The following CENPP variants were observed in gnomAD, a reference collection of about 807,000 sequenced individuals.
The protein encoded by CENPP is centromere protein P.
In CENPP, 24 loss-of-function variants were observed where a neutral mutation model predicts 35.6. The ratio of observed to expected loss-of-function variants is 0.67; its 90% CI spans 0.49 to 0.95. CENPP has a LOEUF of 0.95. Among genes scored for constraint, CENPP ranks in the 40% least tolerant of loss-of-function variants. CENPP has a pLI of 0.00. For synonymous variants in CENPP, 120 were observed against 125.5 expected, an observed-to-expected ratio of 0.96 and a Z score of 0.29; for missense variants, 332 against 345.3, an observed-to-expected ratio of 0.96 and a Z score of 0.31.
intron 5 of CENPP, among the ~76,000 whole-genome samples, chr9:92,592,453 T>A (rs914467660): frequency 2.0e-5 from 3 of 152,228 alleles, no homozygotes; most frequent in Admixed American, 1.3e-4. Context: ...TCATCCACAT[T>A]ACAATTTTTG....
At chr9:92,326,812 G>A (rs1366178728) in intron 1 of CENPP, among the ~76,000 whole-genome samples, 1 of 152,196 alleles carries the variant, frequency 6.6e-6, no homozygotes, top group Non-Finnish European at 1.5e-5. Context: ...AAACATAGAA[G>A]CCTCTCGAAA....
At chr9:92,567,581 G>A (rs551718653) in intron 5 of CENPP, among the ~76,000 whole-genome samples, 1 of 151,738 alleles carries the variant, frequency 6.6e-6, no homozygotes, top group East Asian at 1.9e-4. Context: ...AATATTATTA[G>A]TCTAAAAGCT....
chr9:92,495,590 TTAA>T, intron 5 of CENPP: 1 of 975,710 alleles, frequency 1.0e-6, no homozygotes, highest in Non-Finnish European at 1.2e-6. Context: ...GAAGGTAATC[TTAA>T]TATACTGTTT....
chr9:92,416,527 A>T lies in CENPP; in HGVS notation c.564+36668A>T, dbSNP rs1181533431. 6.3e-6 allele frequency: 5 copies of T among 797,370 alleles called. No homozygotes were observed. In the East Asian group the frequency reaches 1.4e-4, roughly 22 times the overall value. 49.4% of individuals were successfully genotyped at this position (797,370 alleles called of 1,614,324 possible). A position where few individuals can be genotyped will look rare whatever the true frequency, so the allele number is the denominator to read the frequency against. ...AACTTCAAAACAACTATTTTCAGCA[A>T]TGTCTAAAGCATAGCTTATTGAATA... On this transcript the variant is annotated intron_variant, in intron 5 of 7. Transcript: ENST00000375587.
intron 5 of CENPP, chr9:92,496,152 T>C (rs1357960787): frequency 7.5e-7 from 1 of 1,325,000 alleles, no homozygotes. Flanking sequence ...GACTATACCT[T>C]TTAGGTATAT....
intron 5 of CENPP, among the ~76,000 whole-genome samples, chr9:92,529,587 A>G (rs1259440389): frequency 6.6e-6 from 1 of 152,216 alleles, no homozygotes; most frequent in African/African-American, 2.4e-5. Context: ...TGGAAAAAAA[A>G]CTATGGTATA....
intron 5 of CENPP, among the ~76,000 whole-genome samples, chr9:92,585,051 C>T (rs536885008): frequency 3.3e-5 from 5 of 152,244 alleles, no homozygotes; most frequent in Non-Finnish European, 7.3e-5. Flanking sequence ...CTATACTATA[C>T]AGATTATATG....
chr9:92,442,890 T>A (rs1172662819), intron 5 of CENPP, among the ~76,000 whole-genome samples: 2 of 151,618 alleles, frequency 1.3e-5, no homozygotes, highest in Non-Finnish European at 2.9e-5. Context: ...TACACCATTA[T>A]GATGAAAATT....
chr9:92,457,151 A>G, intron 5 of CENPP: 2 of 1,412,546 alleles, frequency 1.4e-6, no homozygotes, highest in Non-Finnish European at 1.8e-6. Context: ...TTGTCATAAA[A>G]TAAGTCAGTG....
chr9:92,387,528 C>T (rs1348029137), intron 5 of CENPP, among the ~76,000 whole-genome samples: 1 of 152,092 alleles, frequency 6.6e-6, no homozygotes, highest in East Asian at 1.9e-4. Flanking sequence ...GTAATTTCCC[C>T]TGACATTACT....
At position 92,616,045 on chromosome 9, in the gene CENPP, C is replaced by T; in HGVS notation, c.*2896C>T. On this transcript the variant is annotated 3_prime_UTR_variant, in exon 8 of 8. Transcript: ENST00000375587. ...TGGACCTCGATGAAGGGACGACAGG[C>T]CTTTGATCAGAGCTGCAAGTAAAAA... is the stretch of plus-strand genomic sequence containing the variant. 6.2e-7 allele frequency: 1 copy of T among 1,613,722 alleles called. No homozygotes were observed. The highest frequency in any genetic ancestry group is 2.2e-5 in the East Asian group (1 of 44,886).
intron 5 of CENPP, among the ~76,000 whole-genome samples, chr9:92,449,938 G>A (rs1006815381): frequency 1.3e-5 from 2 of 151,974 alleles, no homozygotes; most frequent in African/African-American, 4.8e-5. Context: ...GTGTGAGAAT[G>A]GACTAATAAA....
intron 4 of CENPP, among the ~76,000 whole-genome samples, chr9:92,370,115 T>C (rs1226962817): frequency 5.3e-5 from 8 of 152,252 alleles, no homozygotes; most frequent in Non-Finnish European, 1.2e-4. Context: ...ATATATTACA[T>C]TTATTGATTT....
At chr9:92,597,264 A>T (rs184482128) in intron 5 of CENPP, among the ~76,000 whole-genome samples, 32 of 152,282 alleles carry the variant, frequency 2.1e-4, no homozygotes, top group Middle Eastern at 3.4e-3. Flanking sequence ...AATGAGCTAT[A>T]GTGCAAGTCG....
intron 3 of CENPP, chr9:92,340,002 T>G (rs1396332057): frequency 1.3e-5 from 2 of 153,778 alleles, no homozygotes; most frequent in Non-Finnish European, 2.9e-5. Context: ...CTGCAACCCA[T>G]GGCAGGTTGG....
At chr9:92,393,187 A>G in intron 5 of CENPP, 1 of 1,613,858 alleles carries the variant, frequency 6.2e-7, no homozygotes, top group African/African-American at 1.3e-5. Flanking sequence ...ATCAATGTCA[A>G]CTTCTTCACA....
intron 5 of CENPP, among the ~76,000 whole-genome samples, chr9:92,521,524 A>G (rs1848069199): frequency 6.6e-6 from 1 of 152,190 alleles, no homozygotes; most frequent in Non-Finnish European, 1.5e-5. Flanking sequence ...CTGTATTGAG[A>G]CAATATATGA....
At chr9:92,582,820 A>G (rs983667067) in intron 5 of CENPP, among the ~76,000 whole-genome samples, 3 of 152,256 alleles carry the variant, frequency 2.0e-5, no homozygotes, top group East Asian at 3.9e-4. Flanking sequence ...CTCAAAGGGC[A>G]GGAAGAGTAG....
At chr9:92,464,632 G>T (rs1012765376) in intron 5 of CENPP, 9 of 522,718 alleles carry the variant, frequency 1.7e-5, no homozygotes, top group Non-Finnish European at 3.7e-6. Context: ...GTACTGCACA[G>T]AATGACAGGT....
Sources: allele counts gnomAD v4.1 joint callset (sites outside exome capture counted in the v4.1 genomes callset), GRCh38; gene constraint gnomAD v4.1.1; transcripts MANE v1.5; gene names NCBI Gene and HGNC (gene_info 2026-07-23, HGNC 2026-07-21).